KCNK12: variants seen among roughly 807,000 people sequenced by gnomAD.
KCNK12 encodes the protein potassium two pore domain channel subfamily K member 12, also known as potassium channel subfamily K member 12.
Under a neutral mutation model 25.3 loss-of-function variants are expected in KCNK12, and 6 were observed. The observed-to-expected ratio is 0.24, with a 90% CI of 0.13 to 0.47. KCNK12 has a LOEUF of 0.47. Ranked by LOEUF, KCNK12 falls within the 20% of genes least tolerant of loss-of-function variation. The pLI is 0.99. For missense variants in KCNK12, 444 were observed against 661.7 expected (o/e 0.67, Z 3.61); for synonymous variants, 331 against 311.1 (o/e 1.06, Z -0.67).
rs1273161636 is a variant in KCNK12 at position 47,519,757 on chromosome 2, G to C, written c.*1150C>G. On this transcript the variant is annotated 3_prime_UTR_variant, in exon 2 of 2. Coordinates refer to ENST00000327876, the MANE Select transcript of KCNK12 (RefSeq NM_022055.2). Reference sequence around the variant, plus strand: ...CCTCTTGATAAACAATATTTAGAAAGGGATTCTATCTTTCCTGACCCCAAA... The same window carrying C: ...CCTCTTGATAAACAATATTTAGAAACGGATTCTATCTTTCCTGACCCCAAA... 2 of 152,230 alleles carry C rather than the reference G, an allele frequency of 1.3e-5. No individual in the cohort carries two copies. Among genetic ancestry groups the C allele is most frequent in the Non-Finnish European group, 2.9e-5 (2 of 68,056 alleles). 9.4% of individuals were successfully genotyped at this position (152,230 alleles called of 1,614,324 possible).
intron 1 of KCNK12, among the ~76,000 whole-genome samples, chr2:47,522,176 C>G (rs996188706): frequency 1.3e-5 from 2 of 152,190 alleles, no homozygotes; most frequent in Admixed American, 6.5e-5. Context: ...GGGACACCTG[C>G]TCTCCCACTC....
Position 47,520,797 on chromosome 2 carries a change from C to G in KCNK12, c.*110G>C, listed in dbSNP as rs1668634168. On this transcript the variant is annotated 3_prime_UTR_variant, in exon 2 of 2. Coordinates refer to ENST00000327876, the MANE Select transcript of KCNK12 (RefSeq NM_022055.2). This position sits in a 1 kb window ranked among gnomAD's most constrained non-coding sequence, Gnocchi z 5.0. Reference sequence around the variant, plus strand: ...TTCTTTAAAAAAATTTTTTTTGTTTCATTTTATTGGATAAAGATTAAGAAA... The same window carrying G: ...TTCTTTAAAAAAATTTTTTTTGTTTGATTTTATTGGATAAAGATTAAGAAA... The G allele has an allele frequency of 1.2e-6, 1 of 843,094 alleles. No homozygotes were observed. The highest frequency in any genetic ancestry group is 1.8e-5 in the African/African-American group (1 of 56,900). 52.2% of individuals were successfully genotyped at this position (843,094 alleles called of 1,614,324 possible). A position where few individuals can be genotyped will look rare whatever the true frequency, so the allele number is the denominator to read the frequency against.
intron 1 of KCNK12, among the ~76,000 whole-genome samples, chr2:47,549,403 A>G (rs1669378591): frequency 6.6e-6 from 1 of 150,780 alleles, no homozygotes; most frequent in Admixed American, 6.6e-5. Flanking sequence ...TGTAAAATTC[A>G]TGATGTTCTG....
Position 47,569,839 on chromosome 2 carries a change from G to C in KCNK12, c.391+102C>G. ...AAAGTAAGCAAAGGGACATTAGAAG[G>C]GAAGGCAGAGCCGAGGGACGCGGAC... On this transcript the variant is annotated intron_variant, in intron 1 of 1. Coordinates refer to ENST00000327876, the MANE Select transcript of KCNK12 (RefSeq NM_022055.2). The surrounding 1 kb of genome is among the most constrained non-coding windows in gnomAD (Gnocchi z 4.1). 1 of 956,046 alleles carries C rather than the reference G, an allele frequency of 1.0e-6. No individual in the cohort carries two copies. The allele number at this position is 956,046 out of a possible 1,614,324, so 59.2% of individuals were successfully genotyped here.
Position 47,528,830 on chromosome 2 carries a change from G to A in KCNK12, c.392-7022C>T, listed in dbSNP as rs1026580371. Among the ~76,000 whole-genome samples the A allele has an allele frequency of 6.6e-6, 1 of 152,200 alleles. No individual in the cohort carries two copies. The highest frequency in any genetic ancestry group is 1.5e-5 in the Non-Finnish European group (1 of 68,046). ...TTCGGAGTTCAGCTCAGAGAGCATG[G>A]AAGTGAGATGGAGAGGCCAGCACTG... is the stretch of plus-strand genomic sequence containing the variant. On this transcript the variant is annotated intron_variant, in intron 1 of 1. Transcript: ENST00000327876. This position sits in a 1 kb window ranked among gnomAD's most constrained non-coding sequence, Gnocchi z 4.5.
At position 47,570,416 on chromosome 2, in the gene KCNK12, G is replaced by T; in HGVS notation, c.-85C>A. 8.4e-7 allele frequency: 1 copy of T among 1,193,602 alleles called. No homozygotes were observed. Among genetic ancestry groups the T allele is most frequent in the Non-Finnish European group, 1.0e-6 (1 of 962,620 alleles). The allele number at this position is 1,193,602 out of a possible 1,614,324, so 73.9% of individuals were successfully genotyped here. The stretch of plus-strand genomic sequence containing the variant: ...CCGGCGGGAGCAGGAGCGTGAGGAT[G>T]GTGGCCAGGGGTCCGGGGCCGCCGC... On this transcript the variant is annotated 5_prime_UTR_variant, in exon 1 of 2. Coordinates refer to ENST00000327876, the MANE Select transcript of KCNK12 (RefSeq NM_022055.2).
chr2:47,523,531 G>A (rs1321455658), intron 1 of KCNK12, among the ~76,000 whole-genome samples: 1 of 152,212 alleles, frequency 6.6e-6, no homozygotes, highest in East Asian at 1.9e-4. Context: ...CAGGCTTTAA[G>A]GGTGTCTTTA....
chr2:47,537,764 G>T (rs1277650284), intron 1 of KCNK12, among the ~76,000 whole-genome samples: 1 of 152,216 alleles, frequency 6.6e-6, no homozygotes, highest in Non-Finnish European at 1.5e-5. Context: ...AAATAAAAAT[G>T]AATAAGATAT....
At chr2:47,532,586 T>C (rs920338972) in intron 1 of KCNK12, among the ~76,000 whole-genome samples, 3 of 152,212 alleles carry the variant, frequency 2.0e-5, no homozygotes, top group African/African-American at 7.2e-5. Flanking sequence ...TGTAAGGGTT[T>C]TTCTATTCTT....
intron 1 of KCNK12, among the ~76,000 whole-genome samples, chr2:47,545,133 A>G (rs991808325): frequency 6.6e-6 from 1 of 152,202 alleles, no homozygotes; most frequent in Non-Finnish European, 1.5e-5. Context: ...GCAAGGTGCT[A>G]GGAGGTTAGA....
intron 1 of KCNK12, among the ~76,000 whole-genome samples, chr2:47,541,987 C>T (rs573702896): frequency 5.1e-4 from 78 of 152,304 alleles, no homozygotes; most frequent in Admixed American, 1.0e-3. Flanking sequence ...GTAGCAGCAG[C>T]AGCAGCAGCA....
rs117805148 is a variant in KCNK12, at chr2:47,561,622, G to A, written c.391+8319C>T. Among the ~76,000 whole-genome samples the A allele has an allele frequency of 5.2e-4, 79 of 152,230 alleles. No individual in the cohort carries two copies. The East Asian group carries it at 7.7e-3, about 15-fold the overall frequency. ...GGCAGGGCTCACCAACAGGGTTGCCGAGATCTGGGGAGCAGATGCTACTCA... is the reference window on the plus strand; with the variant it reads ...GGCAGGGCTCACCAACAGGGTTGCCAAGATCTGGGGAGCAGATGCTACTCA... On this transcript the variant is annotated intron_variant, in intron 1 of 1. Coordinates refer to ENST00000327876, the MANE Select transcript of KCNK12 (RefSeq NM_022055.2).
chr2:47,543,306 T>C (rs1021760931), intron 1 of KCNK12: 2 of 151,770 alleles, frequency 1.3e-5, no homozygotes, highest in African/African-American at 2.4e-5. Flanking sequence ...GTTGCTTTCC[T>C]CACTGAGGCT....
chr2:47,549,133 C>G (rs1669372250), intron 1 of KCNK12, among the ~76,000 whole-genome samples: 1 of 152,142 alleles, frequency 6.6e-6, no homozygotes, highest in Admixed American at 6.5e-5. Flanking sequence ...AGAGCCCTCA[C>G]AAAGCCAGGA....
chr2:47,557,718 A>G lies in KCNK12; in HGVS notation c.391+12223T>C, dbSNP rs1045500060. ...ATCCAATCTCTGCTTGACTGCACCA[A>G]GAGGCCCGAACAACTCCAATCAGTA... On this transcript the variant is annotated intron_variant, in intron 1 of 1. Transcript: ENST00000327876. This position sits in a 1 kb window ranked among gnomAD's most constrained non-coding sequence, Gnocchi z 4.9. Among the ~76,000 whole-genome samples the G allele has an allele frequency of 2.0e-5, 3 of 152,150 alleles. No homozygotes were observed. Among genetic ancestry groups the G allele is most frequent in the Non-Finnish European group, 4.4e-5 (3 of 68,022 alleles).
At position 47,520,774 on chromosome 2, in the gene KCNK12, C is replaced by T; in HGVS notation, c.*133G>A. 2 of 649,304 alleles carry T rather than the reference C, an allele frequency of 3.1e-6. No homozygotes were observed. The highest frequency in any genetic ancestry group is 4.4e-6 in the Non-Finnish European group (2 of 456,166). 40.2% of individuals were successfully genotyped at this position (649,304 alleles called of 1,614,324 possible). A position where few individuals can be genotyped will look rare whatever the true frequency, so the allele number is the denominator to read the frequency against. ...CATCAGGCCTGGCCAAATAGTATTT[C>T]TTTAAAAAAATTTTTTTTGTTTCAT... On this transcript the variant is annotated 3_prime_UTR_variant, in exon 2 of 2. Coordinates refer to ENST00000327876, the MANE Select transcript of KCNK12 (RefSeq NM_022055.2). This position sits in a 1 kb window ranked among gnomAD's most constrained non-coding sequence, Gnocchi z 5.0.
At position 47,548,003 on chromosome 2, in the gene KCNK12, T is replaced by C. The variant is rs1669348833; in HGVS notation, c.391+21938A>G. On this transcript the variant is annotated intron_variant, in intron 1 of 1. Transcript: ENST00000327876. The surrounding 1 kb of genome is among the most constrained non-coding windows in gnomAD (Gnocchi z 4.4). Reference sequence around the variant, plus strand: ...CCTTGCCGTTCTCATGATAGTAAGTTCTCATGAGATCTGGTTGTTTAAAAG... The same window carrying C: ...CCTTGCCGTTCTCATGATAGTAAGTCCTCATGAGATCTGGTTGTTTAAAAG... Among the ~76,000 whole-genome samples the C allele has an allele frequency of 6.6e-6, 1 of 152,194 alleles. No homozygotes were observed. The highest frequency in any genetic ancestry group is 1.9e-4 in the East Asian group (1 of 5,174).
At chr2:47,541,799 C>G (rs1210341498) in intron 1 of KCNK12, among the ~76,000 whole-genome samples, 2 of 152,142 alleles carry the variant, frequency 1.3e-5, no homozygotes, top group East Asian at 1.9e-4. Context: ...AGAAACCAAC[C>G]CTGCCAGCCC....
rs186713688 is a variant in KCNK12, at chr2:47,512,939, C to G, written c.*7968G>C. The G allele has an allele frequency of 2.9e-4, 45 of 155,336 alleles. No individual in the cohort carries two copies. Among genetic ancestry groups the G allele is most frequent in the African/African-American group, 1.1e-3 (44 of 41,572 alleles). The allele number at this position is 155,336 out of a possible 1,614,324, so 9.6% of individuals were successfully genotyped here. On this transcript the variant is annotated 3_prime_UTR_variant, in exon 2 of 2. Coordinates refer to ENST00000327876, the MANE Select transcript of KCNK12 (RefSeq NM_022055.2). ...CTCAGTGGCCTGAACATGAGATGAA[C>G]AACACTCTTCTTGGGAGTACCAGCC...
Sources: allele counts gnomAD v4.1 joint callset (sites outside exome capture counted in the v4.1 genomes callset), GRCh38; gene constraint gnomAD v4.1.1; non-coding constraint Gnocchi (gnomAD v3.1); transcripts MANE v1.5; gene names NCBI Gene and HGNC (gene_info 2026-07-23, HGNC 2026-07-21).